LRMDA: variants seen among roughly 807,000 people sequenced by gnomAD.
LRMDA encodes leucine-rich melanocyte differentiation-associated protein.
Under a neutral mutation model 29.8 loss-of-function variants are expected in LRMDA, and 18 were observed. The observed-to-expected ratio is 0.60, with a 90% CI of 0.42 to 0.90. LRMDA has a LOEUF of 0.90. Ranked by LOEUF, LRMDA falls within the 40% of genes least tolerant of loss-of-function variation. The pLI, the probability that LRMDA is intolerant of heterozygous loss-of-function variation, is 0.00. For synonymous variants in LRMDA, 125 were observed against 109.4 expected (o/e 1.14, Z -0.89); for missense variants, 273 against 273.9 (o/e 1.00, Z 0.02).
chr10:75,696,803 T>C (rs1173805783), intron 2 of LRMDA, among the ~76,000 whole-genome samples: 1 of 152,222 alleles, frequency 6.6e-6, no homozygotes, highest in African/African-American at 2.4e-5. Flanking sequence ...TCCTGTGTAA[T>C]CTTGGAAGCC....
intron 6 of LRMDA, among the ~76,000 whole-genome samples, chr10:76,341,556 T>A (rs1200151803): frequency 6.6e-6 from 1 of 152,212 alleles, no homozygotes; most frequent in Non-Finnish European, 1.5e-5. Context: ...TCAAATTTAA[T>A]TCTATGAAAG....
intron 2 of LRMDA, among the ~76,000 whole-genome samples, chr10:75,553,470 T>C (rs988923672): frequency 6.6e-6 from 1 of 152,212 alleles, no homozygotes; most frequent in African/African-American, 2.4e-5. Flanking sequence ...TATTACTCAG[T>C]GTGAAGCTTG....
intron 2 of LRMDA, among the ~76,000 whole-genome samples, chr10:75,847,711 T>C (rs982622277): frequency 1.1e-4 from 17 of 152,158 alleles, no homozygotes; most frequent in Middle Eastern, 3.4e-3. Context: ...CCAAAGAAGA[T>C]ATACAAATGG....
intron 6 of LRMDA, among the ~76,000 whole-genome samples, chr10:76,496,764 A>T (rs1842881561): frequency 1.3e-5 from 1 of 74,868 alleles, no homozygotes; most frequent in African/African-American, 3.3e-5. Flanking sequence ...CATTGCCTTC[A>T]TGATCATATG....
chr10:75,476,130 TG>T (rs1484055917), intron 2 of LRMDA, among the ~76,000 whole-genome samples: 2 of 152,236 alleles, frequency 1.3e-5, no homozygotes, highest in Non-Finnish European at 2.9e-5. Flanking sequence ...GCACTTAAAG[TG>T]GTGTGATCCA....
At chr10:75,538,437 G>T (rs1589174200) in intron 2 of LRMDA, among the ~76,000 whole-genome samples, 1 of 152,166 alleles carries the variant, frequency 6.6e-6, no homozygotes, top group Admixed American at 6.5e-5. Context: ...ATTTCCTAAT[G>T]CATCTTCTAT....
chr10:75,617,929 G>A (rs889727549), intron 2 of LRMDA, among the ~76,000 whole-genome samples: 4 of 152,178 alleles, frequency 2.6e-5, no homozygotes, highest in African/African-American at 9.7e-5. Flanking sequence ...ACCTCGCTAG[G>A]CCTTTGTCGC....
chr10:76,212,573 T>C (rs1159044421), intron 5 of LRMDA, among the ~76,000 whole-genome samples: 1 of 152,234 alleles, frequency 6.6e-6, no homozygotes, highest in Non-Finnish European at 1.5e-5. Context: ...GATAACCGGA[T>C]GTCCACACTG....
At chr10:75,469,808 G>A (rs1844704584) in intron 2 of LRMDA, among the ~76,000 whole-genome samples, 1 of 152,190 alleles carries the variant, frequency 6.6e-6, no homozygotes, top group African/African-American at 2.4e-5. Context: ...GCCTATGGGT[G>A]CACACGGCCT....
chr10:76,115,435 C>T (rs141563226), intron 5 of LRMDA, among the ~76,000 whole-genome samples: 25 of 152,320 alleles, frequency 1.6e-4, no homozygotes, highest in African/African-American at 4.6e-4. Flanking sequence ...TCCTCCTGAA[C>T]GCTGTGGTGT....
intron 5 of LRMDA, among the ~76,000 whole-genome samples, chr10:76,136,072 T>G (rs1282868212): frequency 6.6e-6 from 1 of 152,214 alleles, no homozygotes; most frequent in Admixed American, 6.5e-5. Flanking sequence ...TAGTAACTAC[T>G]TGATAAATAT....
At chr10:76,109,282 G>C (rs558247346) in intron 5 of LRMDA, among the ~76,000 whole-genome samples, 1 of 152,242 alleles carries the variant, frequency 6.6e-6, no homozygotes, top group South Asian at 2.1e-4. Flanking sequence ...TCCTTGTTGG[G>C]CACTTTTGGT....
intron 2 of LRMDA, among the ~76,000 whole-genome samples, chr10:75,639,481 G>A (rs1841426252): frequency 6.6e-6 from 1 of 152,158 alleles, no homozygotes; most frequent in Non-Finnish European, 1.5e-5. Context: ...CTTCATTTGA[G>A]ATCAGTCTCT....
chr10:76,180,856 C>A (rs1589366107), intron 5 of LRMDA, among the ~76,000 whole-genome samples: 1 of 152,216 alleles, frequency 6.6e-6, no homozygotes, highest in Non-Finnish European at 1.5e-5. Flanking sequence ...GAAAGCTTTC[C>A]TGGCCTTATC....
chr10:76,021,773 C>T (rs1046665254), intron 2 of LRMDA, among the ~76,000 whole-genome samples: 1 of 152,188 alleles, frequency 6.6e-6, no homozygotes, highest in African/African-American at 2.4e-5. Flanking sequence ...GAGACCTGCT[C>T]ATAAAACTTT....
chr10:76,212,001 T>C (rs1851642836), intron 5 of LRMDA, among the ~76,000 whole-genome samples: 1 of 152,166 alleles, frequency 6.6e-6, no homozygotes, highest in Non-Finnish European at 1.5e-5. Flanking sequence ...AAGTCACCAA[T>C]GTGGGGGCAA....
intron 2 of LRMDA, among the ~76,000 whole-genome samples, chr10:75,555,422 T>G (rs2132057719): frequency 6.6e-6 from 1 of 152,296 alleles, no homozygotes. Flanking sequence ...GTGGGGTCTC[T>G]GAAAGGAGTG....
chr10:75,753,627 A>T (rs1056368572), intron 2 of LRMDA, among the ~76,000 whole-genome samples: 2 of 152,196 alleles, frequency 1.3e-5, no homozygotes, highest in African/African-American at 4.8e-5. Context: ...GGGAGGCCAG[A>T]GCCAGCCTGT....
intron 5 of LRMDA, among the ~76,000 whole-genome samples, chr10:76,164,908 A>G (rs960272745): frequency 6.6e-6 from 1 of 152,318 alleles, no homozygotes; most frequent in South Asian, 2.1e-4. Context: ...GGGCACGTGT[A>G]TCAGTCCTTT....
Sources: allele counts gnomAD v4.1 joint callset (sites outside exome capture counted in the v4.1 genomes callset), GRCh38; gene constraint gnomAD v4.1.1; transcripts MANE v1.5; gene names NCBI Gene and HGNC (gene_info 2026-07-23, HGNC 2026-07-21).